The following FIGN variants were observed in gnomAD, a reference collection of about 807,000 sequenced individuals.
The protein encoded by FIGN is fidgetin.
A neutral mutation model predicts 51.3 loss-of-function variants in FIGN; 11 were observed. The ratio of observed to expected loss-of-function variants is 0.21; its 90% CI spans 0.13 to 0.35. FIGN has a LOEUF of 0.35. Ranked by LOEUF, FIGN falls within the 10% of genes least tolerant of loss-of-function variation. FIGN has a pLI of 1.00. For synonymous variants in FIGN, 407 were observed against 363.2 expected, an observed-to-expected ratio of 1.12 and a Z score of -1.37; for missense variants, 857 against 943.6, an observed-to-expected ratio of 0.91 and a Z score of 1.20.
At chr2:163,673,728 C>T (rs551884086) in intron 2 of FIGN, among the ~76,000 whole-genome samples, 2 of 152,178 alleles carry the variant, frequency 1.3e-5, no homozygotes, top group African/African-American at 4.8e-5. Flanking sequence ...ATTTTCATGG[C>T]CCTACACAGT....
At position 163,610,064 on chromosome 2, in the gene FIGN, G is replaced by A. The variant is rs374940607; in HGVS notation, c.1768C>T (p.Leu590Phe). ...TCCTCATTCACTTGAGAGGAGAGAA[G>A]CATGTCAATGTCACTAACAAAAATC... is the stretch of plus-strand genomic sequence containing the variant. ...SVIFVSDIDM[L>F]LSSQVNEEHS... The change falls in exon 3 of 3, where the codon CTT becomes TTT. Residue 590 changes from leucine to phenylalanine, a missense_variant. Around this residue, in one of 3 missense-constraint regions of FIGN, gnomAD observed 799 missense variants for 849.5 expected, o/e 0.94. Transcript: ENST00000333129. 12 of 1,613,868 alleles carry A rather than the reference G, an allele frequency of 7.4e-6. No homozygotes were observed. In the African/African-American group the frequency reaches 1.1e-4, roughly 14 times the overall value.
intron 2 of FIGN, among the ~76,000 whole-genome samples, chr2:163,714,372 A>C (rs1255021729): frequency 6.6e-6 from 1 of 152,122 alleles, no homozygotes; most frequent in Non-Finnish European, 1.5e-5. Context: ...ACAGATGTTG[A>C]CTATTGTGTC....
intron 2 of FIGN, among the ~76,000 whole-genome samples, chr2:163,727,395 AAAT>A (rs1292754065): frequency 6.6e-6 from 1 of 151,704 alleles, no homozygotes; most frequent in African/African-American, 2.4e-5. Flanking sequence ...AAAAAAAAAA[AAAT>A]ATTCCTAAAC....
At chr2:163,665,822 TC>T (rs1245969251) in intron 2 of FIGN, among the ~76,000 whole-genome samples, 1 of 152,270 alleles carries the variant, frequency 6.6e-6, no homozygotes, top group South Asian at 2.1e-4. Context: ...GGATTCTTTT[TC>T]CCCCTTTATT....
At position 163,682,434 on chromosome 2, in the gene FIGN, A is replaced by T. The variant is rs377040400; in HGVS notation, c.25+52469T>A. On this transcript the variant is annotated intron_variant, in intron 2 of 2. Transcript: ENST00000333129. ...TTAAGCTTTGTCTATGCTGGAGGAG[A>T]TATAAAAGGAGGAGTACGTGGCAAA... Among the ~76,000 whole-genome samples, 9 of 152,324 alleles carry T rather than the reference A, an allele frequency of 5.9e-5. No homozygotes were observed. In the East Asian group the frequency reaches 1.7e-3, roughly 29 times the overall value.
At chr2:163,664,975 A>G (rs1683749849) in intron 2 of FIGN, among the ~76,000 whole-genome samples, 1 of 151,348 alleles carries the variant, frequency 6.6e-6, no homozygotes, top group Admixed American at 6.6e-5. Flanking sequence ...TGTTTCCCCA[A>G]TGGGCTGGTG....
intron 2 of FIGN, among the ~76,000 whole-genome samples, chr2:163,659,298 T>C (rs547790612): frequency 1.1e-4 from 16 of 152,346 alleles, no homozygotes; most frequent in African/African-American, 3.6e-4. Flanking sequence ...CACTGTTCTA[T>C]TATCATTGCT....
chr2:163,619,272 A>G (rs1682930273), intron 2 of FIGN, among the ~76,000 whole-genome samples: 2 of 152,114 alleles, frequency 1.3e-5, no homozygotes, highest in South Asian at 4.1e-4. Context: ...AGCTACTCCA[A>G]AGTTATGCTT....
chr2:163,675,810 T>TCATCATATATAATATATATA (rs929299527), intron 2 of FIGN, among the ~76,000 whole-genome samples: 1 of 147,318 alleles, frequency 6.8e-6, no homozygotes, highest in African/African-American at 2.5e-5. Context: ...TGAGTAGGAT[T>TCATCATATATAATATATATA]CATCATATAT....
intron 2 of FIGN, among the ~76,000 whole-genome samples, chr2:163,685,417 A>C (rs1350349192): frequency 2.6e-5 from 4 of 152,154 alleles, no homozygotes; most frequent in Non-Finnish European, 5.9e-5. Context: ...TTTTCAGATC[A>C]ATCACTTTTT....
intron 2 of FIGN, among the ~76,000 whole-genome samples, chr2:163,721,457 G>C (rs973161141): frequency 1.3e-5 from 2 of 152,194 alleles, no homozygotes; most frequent in Non-Finnish European, 2.9e-5. Context: ...CTTCACTGTT[G>C]AAGTCACACT....
chr2:163,647,897 G>C (rs369714718), intron 2 of FIGN, among the ~76,000 whole-genome samples: 12 of 152,124 alleles, frequency 7.9e-5, no homozygotes, highest in African/African-American at 2.9e-4. Flanking sequence ...GAGACGGAGA[G>C]ATAAGAAAGA....
At chr2:163,669,880 G>T (rs1260913673) in intron 2 of FIGN, among the ~76,000 whole-genome samples, 1 of 151,966 alleles carries the variant, frequency 6.6e-6, no homozygotes, top group East Asian at 1.9e-4. Context: ...TTAGAACATG[G>T]GTAAGTAGGA....
At position 163,603,329 on chromosome 2, in the gene FIGN, G is replaced by C. The variant is rs1430045470; in HGVS notation, c.*6223C>G. Reference sequence around the variant, plus strand: ...TATATAGGGCTTTTCTTCTTTCAAGGGGTCAAAATCTGGTCAAATCCAGCG... The same window carrying C: ...TATATAGGGCTTTTCTTCTTTCAAGCGGTCAAAATCTGGTCAAATCCAGCG... On this transcript the variant is annotated 3_prime_UTR_variant, in exon 3 of 3. Transcript: ENST00000333129. 1 of 152,128 alleles carries C rather than the reference G, an allele frequency of 6.6e-6. No individual in the cohort carries two copies. The highest frequency in any genetic ancestry group is 2.4e-5 in the African/African-American group (1 of 41,530). 9.4% of individuals were successfully genotyped at this position (152,128 alleles called of 1,614,324 possible).
At chr2:163,624,708 A>ATATATTTT (rs564288395) in intron 2 of FIGN, among the ~76,000 whole-genome samples, 4 of 145,494 alleles carry the variant, frequency 2.7e-5, no homozygotes, top group African/African-American at 1.0e-4. Flanking sequence ...ATATATATAT[A>ATATATTTT]TTTTTTTTTT....
chr2:163,679,495 C>CAA (rs57717811), intron 2 of FIGN, among the ~76,000 whole-genome samples: 4,793 of 143,924 alleles, frequency 0.033, 237 homozygotes, highest in East Asian at 0.24. Flanking sequence ...GACTCCGTCT[C>CAA]AAAAAAAAAA....
intron 2 of FIGN, among the ~76,000 whole-genome samples, chr2:163,731,592 C>T (rs1194574997): frequency 2.0e-5 from 3 of 151,854 alleles, no homozygotes; most frequent in South Asian, 2.1e-4. Context: ...AACTCAGCTA[C>T]AGGAGTCTTA....
chr2:163,668,452 T>C (rs1683819991), intron 2 of FIGN, among the ~76,000 whole-genome samples: 1 of 152,112 alleles, frequency 6.6e-6, no homozygotes, highest in Non-Finnish European at 1.5e-5. Context: ...AGATAAAATA[T>C]TCAATTTGCC....
intron 2 of FIGN, among the ~76,000 whole-genome samples, chr2:163,691,772 C>G (rs1166990212): frequency 6.6e-6 from 1 of 151,966 alleles, no homozygotes; most frequent in East Asian, 1.9e-4. Context: ...GCATTAAAAA[C>G]AAACAGAAAG....
Sources: gnomAD v4.1 joint callset for allele counts (sites outside exome capture counted in the v4.1 genomes callset) on GRCh38, gnomAD v4.1.1 for gene constraint, gnomAD v4.1.1 regional missense constraint, MANE v1.5 for transcripts, NCBI Gene and HGNC (gene_info 2026-07-23, HGNC 2026-07-21) for gene names.